The following ADARB2 variants were observed in gnomAD, a reference collection of about 807,000 sequenced individuals.
ADARB2 encodes the protein adenosine deaminase RNA specific B2 (inactive), also known as inactive double-stranded RNA-specific editase B2.
ADARB2 carries 25 observed loss-of-function variants against 62.2 expected under a neutral mutation model. That is an observed-to-expected ratio of 0.40 (90% CI 0.29 to 0.56). The LOEUF is 0.56. Among genes scored for constraint, ADARB2 ranks in the 20% least tolerant of loss-of-function variants. The pLI, the probability that ADARB2 is intolerant of heterozygous loss-of-function variation, is 0.43. For missense variants in ADARB2, 1,071 were observed against 1,077.4 expected, an observed-to-expected ratio of 0.99 and a Z score of 0.08; for synonymous variants, 572 against 500.8, an observed-to-expected ratio of 1.14 and a Z score of -1.90.
intron 7 of ADARB2, among the ~76,000 whole-genome samples, chr10:1,211,255 A>G (rs1246048070): frequency 6.6e-6 from 1 of 152,166 alleles, no homozygotes. Context: ...GTCATCTGTT[A>G]TCATCTATCA....
intron 1 of ADARB2, among the ~76,000 whole-genome samples, chr10:1,629,022 G>C (rs1290723711): frequency 6.6e-6 from 1 of 152,250 alleles, no homozygotes; most frequent in African/African-American, 2.4e-5. Context: ...ACATTGATGA[G>C]AAGACAGAGA....
rs78822257 is a variant in ADARB2, at chr10:1,335,237, G to A, written c.1077+27791C>T. On this transcript the variant is annotated intron_variant, in intron 3 of 9. Coordinates refer to ENST00000381312, the MANE Select transcript of ADARB2 (RefSeq NM_018702.4). Reference sequence around the variant, plus strand: ...ATGGAGGGAGGGAATGATGGAAGGAGGGATGGAGGGTGGGAGGGATGGATA... The same window carrying A: ...ATGGAGGGAGGGAATGATGGAAGGAAGGATGGAGGGTGGGAGGGATGGATA... Among the ~76,000 whole-genome samples, 10 of 150,812 alleles carry A rather than the reference G, an allele frequency of 6.6e-5. No homozygotes were observed. In the East Asian group the frequency reaches 1.8e-3, roughly 27 times the overall value.
chr10:1,450,480 TG>T (rs1831022651), intron 1 of ADARB2, among the ~76,000 whole-genome samples: 1 of 152,228 alleles, frequency 6.6e-6, no homozygotes, highest in Non-Finnish European at 1.5e-5. Context: ...GATGCCCGGA[TG>T]GTGCCTCCTG....
At chr10:1,723,158 T>G (rs757858230) in intron 1 of ADARB2, among the ~76,000 whole-genome samples, 1 of 152,352 alleles carries the variant, frequency 6.6e-6, no homozygotes, top group Middle Eastern at 3.4e-3. Flanking sequence ...GGTCCTATGA[T>G]GTAGCTTTTA....
intron 1 of ADARB2, among the ~76,000 whole-genome samples, chr10:1,493,492 A>C (rs1299511383): frequency 6.6e-6 from 1 of 152,186 alleles, no homozygotes; most frequent in Non-Finnish European, 1.5e-5. Flanking sequence ...TGTGTGCTAC[A>C]AAGAATGAAC....
chr10:1,499,854 A>T (rs1441081078), intron 1 of ADARB2, among the ~76,000 whole-genome samples: 3 of 151,876 alleles, frequency 2.0e-5, no homozygotes, highest in African/African-American at 7.3e-5. Flanking sequence ...CTCATTGCTC[A>T]CTCATCATTC....
At chr10:1,664,170 G>T (rs1298785740) in intron 1 of ADARB2, among the ~76,000 whole-genome samples, 2 of 150,712 alleles carry the variant, frequency 1.3e-5, no homozygotes, top group Non-Finnish European at 1.5e-5. Context: ...CCGTGTTTCT[G>T]TGCCTGTGGG....
chr10:1,186,224 C>T (rs1003167513), intron 8 of ADARB2, among the ~76,000 whole-genome samples: 2 of 152,222 alleles, frequency 1.3e-5, no homozygotes, highest in Non-Finnish European at 2.9e-5. Flanking sequence ...GGGGACAAAG[C>T]CCACTTCTTC....
intron 6 of ADARB2, among the ~76,000 whole-genome samples, chr10:1,219,922 T>C (rs1390594363): frequency 1.4e-5 from 2 of 147,508 alleles, no homozygotes; most frequent in African/African-American, 5.0e-5. Context: ...GTGGCGATGA[T>C]GGTGATGGTG....
intron 8 of ADARB2, chr10:1,188,335 T>C (rs919237656): frequency 4.6e-5 from 7 of 152,274 alleles, no homozygotes; most frequent in African/African-American, 1.7e-4. Context: ...ATGTTTCTAG[T>C]TAGATCACAG....
intron 3 of ADARB2, among the ~76,000 whole-genome samples, chr10:1,303,946 C>T (rs1412459423): frequency 6.6e-6 from 1 of 152,150 alleles, no homozygotes; most frequent in Non-Finnish European, 1.5e-5. Context: ...ACCATTGAGA[C>T]TAGGAAGAAA....
chr10:1,246,824 C>T (rs1332886195), intron 4 of ADARB2, among the ~76,000 whole-genome samples: 1 of 151,428 alleles, frequency 6.6e-6, no homozygotes, highest in Non-Finnish European at 1.5e-5. Flanking sequence ...GATGCGGGCT[C>T]TTTTTTGGTT....
rs1205871910 is a variant in ADARB2 at position 1,576,067 on chromosome 10, CCAGGGTCACAGGAGGGGGCT to C, written c.100+160964_100+160983del. 5.6e-4 allele frequency among the ~76,000 whole-genome samples: 16 copies of C among 28,566 alleles called. No homozygotes were observed. In the East Asian group the frequency reaches 6.0e-3, roughly 11 times the overall value. The allele number at this position is 28,566 out of a possible 152,430, so 18.7% of individuals were successfully genotyped here. A position where few individuals can be genotyped will look rare whatever the true frequency, so the allele number is the denominator to read the frequency against. On this transcript the variant is annotated intron_variant, in intron 1 of 9. Coordinates refer to ENST00000381312, the MANE Select transcript of ADARB2 (RefSeq NM_018702.4). ...GGGGGTCAGGGTCACAGGAGGGGGC[CCAGGGTCACAGGAGGGGGCT>C]CAGGGCCACGGGAGGGGGCTCAGAG...
intron 1 of ADARB2, among the ~76,000 whole-genome samples, chr10:1,651,616 C>T (rs1221722941): frequency 1.3e-5 from 2 of 152,280 alleles, no homozygotes; most frequent in Admixed American, 6.5e-5. Context: ...ACAGAAATTT[C>T]AGGCCCGTGC....
At chr10:1,357,995 T>A (rs1832212670) in intron 3 of ADARB2, among the ~76,000 whole-genome samples, 1 of 133,008 alleles carries the variant, frequency 7.5e-6, no homozygotes, top group African/African-American at 2.8e-5. Context: ...TGTAGATCTA[T>A]ATACACACAT....
chr10:1,314,834 CT>C (rs1831723369), intron 3 of ADARB2, among the ~76,000 whole-genome samples: 1 of 152,178 alleles, frequency 6.6e-6, no homozygotes, highest in Admixed American at 6.5e-5. Flanking sequence ...TGCACCTGGG[CT>C]GCTCTGAACA....
chr10:1,227,495 C>T (rs752698034), intron 6 of ADARB2, among the ~76,000 whole-genome samples: 3 of 152,250 alleles, frequency 2.0e-5, no homozygotes, highest in East Asian at 1.9e-4. Context: ...TCTTCTGCGT[C>T]GCTCACGCTG....
At chr10:1,394,525 G>C (rs755271905) in intron 1 of ADARB2, among the ~76,000 whole-genome samples, 12 of 152,236 alleles carry the variant, frequency 7.9e-5, no homozygotes, top group Non-Finnish European at 1.6e-4. Context: ...TTGTTAACTG[G>C]TTGCCAAAGT....
chr10:1,246,608 TG>T (rs1490079931), intron 4 of ADARB2, among the ~76,000 whole-genome samples: 1 of 106,102 alleles, frequency 9.4e-6, no homozygotes, highest in Non-Finnish European at 1.9e-5. Flanking sequence ...CTTTCCCCAT[TG>T]CTTGTTTTTC....
Sources: gnomAD v4.1 joint callset for allele counts (sites outside exome capture counted in the v4.1 genomes callset) on GRCh38, gnomAD v4.1.1 for gene constraint, MANE v1.5 for transcripts, NCBI Gene and HGNC (gene_info 2026-07-23, HGNC 2026-07-21) for gene names.